The following CCDC22 variants were observed in gnomAD, a reference collection of about 807,000 sequenced individuals.
The protein encoded by CCDC22 is coiled-coil domain-containing protein 22.
A neutral mutation model predicts 53.1 loss-of-function variants in CCDC22; 4 were observed. That is an observed-to-expected ratio of 0.08 (90% CI 0.04 to 0.17). The LOEUF (loss-of-function observed/expected upper bound fraction) is 0.17, where lower values mean the gene tolerates loss of function less well. Ranked by LOEUF, CCDC22 falls within the 10% of genes least tolerant of loss-of-function variation. CCDC22 has a pLI of 1.00. For missense variants in CCDC22, 458 were observed against 554.0 expected (o/e 0.83, Z 1.74); for synonymous variants, 222 against 224.4 (o/e 0.99, Z 0.10).
chrX:49,244,472 C>T (rs1300414208), intron 6 of CCDC22, among the ~76,000 whole-genome samples: 2 of 110,839 alleles, frequency 1.8e-5, no homozygotes, highest in African/African-American at 3.3e-5. Flanking sequence ...GTTGCCCCTT[C>T]CCTCTGTCCC....
intron 16 of CCDC22, 148 bp from the exon 17 acceptor site, chrX:49,250,000 G>A: frequency 2.1e-6 from 1 of 474,378 alleles, no homozygotes; most frequent in African/African-American, 2.4e-5. Flanking sequence ...TTTGGGTAGA[G>A]GGAACACCAC....
chrX:49,248,449 G>A lies in CCDC22; in HGVS notation c.1255G>A (p.Gly419Ser). Residue 419 changes from glycine (G) to serine (S), a missense_variant, in exon 11 of 17, where the codon GGT becomes AGT. Around this residue, in one of 4 missense-constraint regions of CCDC22, gnomAD observed 309 missense variants for 312.3 expected, o/e 0.99. Coordinates refer to ENST00000376227, the MANE Select transcript of CCDC22 (RefSeq NM_014008.5). ...NSAQRVIHLAGQWEKHRVPLL... is the reference protein window; with the variant it reads ...NSAQRVIHLASQWEKHRVPLL... ...TGCCCAGCGGGTCATCCACTTGGCG[G>A]GTCAGTGGGAGAAGCACCGGGTCCC... 1 of 1,210,809 alleles carries A rather than the reference G, an allele frequency of 8.3e-7. No homozygotes were observed. The highest frequency in any genetic ancestry group is 1.1e-6 in the Non-Finnish European group (1 of 895,205).
intron 15 of CCDC22, 36 bp from the exon 16 acceptor site, chrX:49,249,615 G>GT: frequency 4.9e-6 from 2 of 406,820 alleles, no homozygotes; most frequent in Non-Finnish European, 4.5e-6. Context: ...GGGTGGGTGG[G>GT]ACTGGGTGCA....
chrX:49,248,397 C>T lies in CCDC22; in HGVS notation c.1213-10C>T. ...CCCAGCCTGTGTGACATGTACCCAT[C>T]CCCCACCAGCTTGTGGTGGAGAATA... On this transcript the variant is annotated splice_polypyrimidine_tract_variant and intron_variant, in intron 10 of 16. Transcript: ENST00000376227. 8.3e-7 allele frequency: 1 copy of T among 1,205,123 alleles called. No individual in the cohort carries two copies. Among genetic ancestry groups the T allele is most frequent in the Middle Eastern group, 2.4e-4 (1 of 4,093 alleles).
rs1557115137 is a variant in CCDC22 at position 49,249,772 on chromosome X, A to G, written c.1770+47A>G. ...GGGAGCCAAGGCGGGCCGGGGGGAC[A>G]GTTCCTCAGGTTATGCTGACAGAGG... is the stretch of plus-strand genomic sequence containing the variant. On this transcript the variant is annotated intron_variant, in intron 16 of 16. Transcript: ENST00000376227. 9 of 1,034,561 alleles carry G rather than the reference A, an allele frequency of 8.7e-6. No individual in the cohort carries two copies. In the South Asian group the frequency reaches 1.5e-4, roughly 18 times the overall value. 85.3% of individuals were successfully genotyped at this position (1,034,561 alleles called of 1,213,427 possible).
chrX:49,244,574 T>C (rs1861222831), intron 6 of CCDC22, among the ~76,000 whole-genome samples: 1 of 110,457 alleles, frequency 9.1e-6, no homozygotes, highest in Non-Finnish European at 1.9e-5. Context: ...TTCTTCTTTT[T>C]TTTTGAGACG....
chrX:49,247,085 C>T (rs1352955629), intron 7 of CCDC22, 160 bp downstream of exon 7: 4 of 480,310 alleles, frequency 8.3e-6, no homozygotes, highest in Non-Finnish European at 1.4e-5. Context: ...GGTCCCCTAG[C>T]TTATTAGGGA....
intron 2 of CCDC22, among the ~76,000 whole-genome samples, chrX:49,238,158 G>C (rs2065947355): frequency 9.8e-6 from 1 of 101,804 alleles, no homozygotes; most frequent in Admixed American, 1.1e-4. Context: ...ACGGCTCACT[G>C]CAACCTCTGT....
At position 49,246,923 on chromosome X, in the gene CCDC22, C is replaced by T; in HGVS notation, c.907C>T (p.Leu303=). 8.4e-7 allele frequency: 1 copy of T among 1,186,159 alleles called. No individual in the cohort carries two copies. Among genetic ancestry groups the T allele is most frequent in the Non-Finnish European group, 1.1e-6 (1 of 880,886 alleles). Residue 303 remains leucine (L), a splice_region_variant and synonymous_variant, in exon 7 of 17, where the codon CTG becomes TTG. Transcript: ENST00000376227. ...GCACTCAGAGAAGTTCACCTTCCAT[C>T]TGGTGGGTGCGCCTGAGGACATGAG... The part of the protein sequence containing the change: ...FTHSEKFTFH[L]EPQAQATQVS...
chrX:49,245,767 A>G (rs1360588393), intron 6 of CCDC22, among the ~76,000 whole-genome samples: 1 of 112,136 alleles, frequency 8.9e-6, no homozygotes, highest in Non-Finnish European at 1.9e-5. Flanking sequence ...ACTTTTCTTC[A>G]TCTTTTCTCT....
At chrX:49,249,340 G>A (rs1248783684) in intron 14 of CCDC22, 78 bp downstream of exon 14, 17 of 932,961 alleles carry the variant, frequency 1.8e-5, no homozygotes, top group Non-Finnish European at 1.8e-5. Context: ...GGCTGGCTGG[G>A]GTCCAGACCC....
chrX:49,235,561 C>T lies in CCDC22; in HGVS notation c.-76C>T. Reference sequence around the variant, plus strand: ...CACTCTGTGGACCGCGAGCACGGAGCAGGGTTTCTACAGCTGCTCCCCACT... The same window carrying T: ...CACTCTGTGGACCGCGAGCACGGAGTAGGGTTTCTACAGCTGCTCCCCACT... On this transcript the variant is annotated 5_prime_UTR_variant, in exon 1 of 17. Coordinates refer to ENST00000376227, the MANE Select transcript of CCDC22 (RefSeq NM_014008.5). The T allele has an allele frequency of 1.1e-6, 1 of 924,831 alleles. No homozygotes were observed. Among genetic ancestry groups the T allele is most frequent in the Non-Finnish European group, 1.5e-6 (1 of 651,112 alleles). The allele number at this position is 924,831 out of a possible 1,213,427, so 76.2% of individuals were successfully genotyped here.
chrX:49,245,681 G>A (rs1234800147), intron 6 of CCDC22, among the ~76,000 whole-genome samples: 1 of 112,493 alleles, frequency 8.9e-6, no homozygotes, highest in Non-Finnish European at 1.9e-5. Flanking sequence ...GTCTGTCTTT[G>A]TTTTTATATC....
Position 49,250,334 on chromosome X carries a change from T to G in CCDC22, c.*73T>G, listed in dbSNP as rs782495769. 13 of 582,823 alleles carry G rather than the reference T, an allele frequency of 2.2e-5. No individual in the cohort carries two copies. The African/African-American group carries it at 2.2e-4, about 10-fold the overall frequency. 48.0% of individuals were successfully genotyped at this position (582,823 alleles called of 1,213,427 possible). A position where few individuals can be genotyped will look rare whatever the true frequency, so the allele number is the denominator to read the frequency against. On this transcript the variant is annotated 3_prime_UTR_variant, in exon 17 of 17. Transcript: ENST00000376227. ...GTGCTGGAGGCAGTGGCCAAGCACA[T>G]GCCCTAGCTACTTCCTCCGCTGTCC...
rs781882275 is a variant in CCDC22, at chrX:49,247,542, C to G, written c.956C>G (p.Ser319Cys). ...CAGGTGTCAGATGTGCCAGCCACCT[C>G]CCGGCGGCCTGAACAGGTGAGCAGA... ...ATQVSDVPAT[S>C]RRPEQVTWAA... Residue 319 changes from serine (S) to cysteine (C), a missense_variant, in exon 8 of 17, where the codon TCC becomes TGC. Around this residue, in one of 4 missense-constraint regions of CCDC22, gnomAD observed 309 missense variants for 312.3 expected, o/e 0.99. Coordinates refer to ENST00000376227, the MANE Select transcript of CCDC22 (RefSeq NM_014008.5). The G allele has an allele frequency of 8.3e-7, 1 of 1,199,191 alleles. No individual in the cohort carries two copies.
intron 2 of CCDC22, chrX:49,239,367 C>A: frequency 6.2e-6 from 3 of 484,098 alleles, no homozygotes; most frequent in Non-Finnish European, 7.6e-6. Context: ...GAGGATTAAA[C>A]ATGAGTTAAT....
At position 49,244,210 on chromosome X, in the gene CCDC22, CCT is replaced by C. The variant is rs782759648; in HGVS notation, c.714+753_714+754del. Among the ~76,000 whole-genome samples, 7 of 111,835 alleles carry C rather than the reference CCT, an allele frequency of 6.3e-5. No homozygotes were observed. The East Asian group carries it at 1.7e-3, about 27-fold the overall frequency. ...GTGTTTTTGCTGCTCCTCTTTCTTA[CCT>C]CTCTGTCTCCTCATTTCTGTACTGA... On this transcript the variant is annotated intron_variant, in intron 6 of 16. Coordinates refer to ENST00000376227, the MANE Select transcript of CCDC22 (RefSeq NM_014008.5).
At chrX:49,242,271 T>C in intron 3 of CCDC22, 123 bp downstream of exon 3, 1 of 1,110,118 alleles carries the variant, frequency 9.0e-7, no homozygotes, top group African/African-American at 1.8e-5. Flanking sequence ...GGTATGTGCC[T>C]TCAGGAGAGC....
Position 49,250,172 on chromosome X carries a change from A to G in CCDC22, c.1795A>G (p.Thr599Ala). 2 of 1,160,069 alleles carry G rather than the reference A, an allele frequency of 1.7e-6. No homozygotes were observed. The highest frequency in any genetic ancestry group is 6.5e-5 in the East Asian group (2 of 30,778). ...GATCGAGACAGAGCTGGGCAAGAAGACCCTCAGCAACCTGGAGAAGATCCG... is the reference window on the plus strand; with the variant it reads ...GATCGAGACAGAGCTGGGCAAGAAGGCCCTCAGCAACCTGGAGAAGATCCG... ...EQIETELGKKTLSNLEKIRED... is the reference protein window; with the variant it reads ...EQIETELGKKALSNLEKIRED... Residue 599 changes from threonine to alanine, a missense_variant, in exon 17 of 17, where the codon ACC becomes GCC. Transcript: ENST00000376227.
Sources: allele counts gnomAD v4.1 joint callset (sites outside exome capture counted in the v4.1 genomes callset), GRCh38; gene constraint gnomAD v4.1.1; regional missense constraint gnomAD v4.1.1; transcripts MANE v1.5; gene names NCBI Gene and HGNC (gene_info 2026-07-23, HGNC 2026-07-21).